The following SPARCL1 variants were observed in gnomAD, a reference collection of about 807,000 sequenced individuals.
SPARCL1 encodes SPARC-like protein 1.
In SPARCL1, 52 loss-of-function variants were observed where a neutral mutation model predicts 67.1. The observed-to-expected ratio is 0.78, with a 90% CI of 0.62 to 0.98. The LOEUF (loss-of-function observed/expected upper bound fraction) is 0.98, where lower values mean the gene tolerates loss of function less well. Ranked by LOEUF, SPARCL1 falls within the 50% of genes least tolerant of loss-of-function variation. The pLI is 0.00. For synonymous variants in SPARCL1, 226 were observed against 267.8 expected, an observed-to-expected ratio of 0.84 and a Z score of 1.52; for missense variants, 717 against 782.4, an observed-to-expected ratio of 0.92 and a Z score of 1.00.
chr4:87,477,645 T>C (rs553947523), intron 10 of SPARCL1, among the ~76,000 whole-genome samples: 2 of 152,324 alleles, frequency 1.3e-5, no homozygotes, highest in Middle Eastern at 6.8e-3. Flanking sequence ...GATGGGATAC[T>C]GAAGGCTCCT....
At chr4:87,482,672 C>T in intron 7 of SPARCL1, 112 bp from the exon 8 acceptor site, 1 of 1,121,002 alleles carries the variant, frequency 8.9e-7, no homozygotes, top group South Asian at 1.5e-5. Context: ...TTTCTCAGGT[C>T]CCCATTATTA....
chr4:87,480,301 C>G, intron 9 of SPARCL1, 71 bp downstream of exon 9: 1 of 1,325,938 alleles, frequency 7.5e-7, no homozygotes, highest in Non-Finnish European at 1.0e-6. Flanking sequence ...TTTAGATTTT[C>G]CTTTTGCATA....
intron 1 of SPARCL1, 43 bp from the exon 2 acceptor site, chr4:87,499,628 C>G (rs1047528025): frequency 1.1e-5 from 16 of 1,458,096 alleles, no homozygotes; most frequent in Non-Finnish European, 1.5e-5. Context: ...GGAAAAGTTT[C>G]CTCATGAAAA....
At chr4:87,482,374 C>T (rs1366614782) in intron 8 of SPARCL1, 50 bp downstream of exon 8, 1 of 1,597,938 alleles carries the variant, frequency 6.3e-7, no homozygotes, top group Non-Finnish European at 8.5e-7. Context: ...GTCTTTCTTC[C>T]TCATGCCCTG....
chr4:87,476,534 G>A (rs1245676806), intron 10 of SPARCL1, among the ~76,000 whole-genome samples: 4 of 152,186 alleles, frequency 2.6e-5, no homozygotes, highest in East Asian at 3.9e-4. Context: ...ACACTTTGGT[G>A]GCCCCCCAGT....
At chr4:87,493,550 T>G in intron 4 of SPARCL1, 32 bp downstream of exon 4, 1 of 1,559,140 alleles carries the variant, frequency 6.4e-7, no homozygotes, top group Non-Finnish European at 8.7e-7. Context: ...ATGCTGGCTT[T>G]ATTGGACAAG....
At chr4:87,511,795 G>A (rs1725368116) in intron 1 of SPARCL1, among the ~76,000 whole-genome samples, 1 of 152,064 alleles carries the variant, frequency 6.6e-6, no homozygotes, top group Non-Finnish European at 1.5e-5. Flanking sequence ...ATTGGAGAAT[G>A]AACAGGCAGT....
intron 7 of SPARCL1, among the ~76,000 whole-genome samples, chr4:87,489,623 C>T (rs530203902): frequency 3.5e-4 from 53 of 152,324 alleles, no homozygotes; most frequent in Non-Finnish European, 2.6e-4. Flanking sequence ...GATGGAGAAC[C>T]ATACCCCAGC....
At chr4:87,515,182 A>G (rs1356041307) in intron 1 of SPARCL1, among the ~76,000 whole-genome samples, 1 of 152,240 alleles carries the variant, frequency 6.6e-6, no homozygotes, top group African/African-American at 2.4e-5. Context: ...TGCATAGTTT[A>G]AAGGACAGTT....
chr4:87,488,330 GT>G (rs1724159961), intron 7 of SPARCL1, among the ~76,000 whole-genome samples: 1 of 152,122 alleles, frequency 6.6e-6, no homozygotes, highest in East Asian at 1.9e-4. Flanking sequence ...CTGTTCATTA[GT>G]TTTCCTTCTA....
At chr4:87,492,364 G>C (rs1724382693) in intron 4 of SPARCL1, among the ~76,000 whole-genome samples, 1 of 150,982 alleles carries the variant, frequency 6.6e-6, no homozygotes, top group Non-Finnish European at 1.5e-5. Flanking sequence ...GTTGCAGTGA[G>C]CCGAGATTGC....
rs989611807 is a variant in SPARCL1 at position 87,494,184 on chromosome 4, T to C, written c.616A>G (p.Lys206Glu). 4 of 1,614,044 alleles carry C rather than the reference T, an allele frequency of 2.5e-6. No homozygotes were observed. The highest frequency in any genetic ancestry group is 2.5e-6 in the Non-Finnish European group (3 of 1,180,018). ...TGGGTACCAACTTCACCTGGCTCTT[T>C]TTCTTCTTCCTCTTCTCCATTGGAA... ...NISNGEEEEE[K>E]EPGEVGTHND... The change falls in exon 4 of 11, where the codon AAA becomes GAA. Residue 206 changes from lysine to glutamate, a missense_variant. Lys to Glu is a moderately conservative substitution (Grantham distance 56, BLOSUM62 1). Coordinates refer to ENST00000282470, the MANE Select transcript of SPARCL1 (RefSeq NM_004684.6).
intron 1 of SPARCL1, among the ~76,000 whole-genome samples, chr4:87,515,430 G>C (rs1221089338): frequency 1.3e-5 from 2 of 152,190 alleles, no homozygotes; most frequent in African/African-American, 4.8e-5. Context: ...GCATAAGGCA[G>C]AAAATGGCTT....
At chr4:87,515,157 T>A (rs778320028) in intron 1 of SPARCL1, among the ~76,000 whole-genome samples, 33 of 152,344 alleles carry the variant, frequency 2.2e-4, no homozygotes, top group Non-Finnish European at 4.3e-4. Context: ...ATGCGTGAGC[T>A]TATTCAAAGG....
chr4:87,474,978 G>A (rs1252430945), intron 10 of SPARCL1, among the ~76,000 whole-genome samples: 5 of 152,086 alleles, frequency 3.3e-5, no homozygotes, highest in Non-Finnish European at 5.9e-5. Flanking sequence ...TCTTGAACTC[G>A]TGATCCGCCT....
intron 1 of SPARCL1, among the ~76,000 whole-genome samples, chr4:87,509,773 GTGTC>G (rs557377596): frequency 1.3e-5 from 2 of 151,494 alleles, no homozygotes; most frequent in Non-Finnish European, 2.9e-5. Flanking sequence ...ATTATTGTAA[GTGTC>G]TGTGTGTGCA....
rs773358673 is a variant in SPARCL1, at chr4:87,494,009, C to T, written c.791G>A (p.Gly264Asp). The T allele has an allele frequency of 1.2e-6, 2 of 1,614,084 alleles. No individual in the cohort carries two copies. Among genetic ancestry groups the T allele is most frequent in the African/African-American group, 1.3e-5 (1 of 75,016 alleles). Reference protein sequence around the residue: ...SKMQEDEFDQGNQEQEDNSNA... With the variant: ...SKMQEDEFDQDNQEQEDNSNA... ...GGAGTTATCTTCTTGTTCTTGGTTA[C>T]CCTGATCAAATTCATCCTCCTGCAT... Residue 264 changes from glycine (G) to aspartate (D), a missense_variant, in exon 4 of 11, where the codon GGT (glycine) becomes GAT (aspartate). By Grantham distance (94) the Gly-to-Asp change is moderately conservative. Coordinates refer to ENST00000282470, the MANE Select transcript of SPARCL1 (RefSeq NM_004684.6).
At chr4:87,490,968 G>T in intron 5 of SPARCL1, 90 bp from the exon 6 acceptor site, 2 of 809,388 alleles carry the variant, frequency 2.5e-6, no homozygotes, top group Non-Finnish European at 1.9e-6. Flanking sequence ...TTTCACTAAT[G>T]AAGGGGAAAT....
At chr4:87,522,216 A>C (rs1349631747) in intron 1 of SPARCL1, among the ~76,000 whole-genome samples, 1 of 152,106 alleles carries the variant, frequency 6.6e-6, no homozygotes, top group East Asian at 1.9e-4. Context: ...ACCATCTGAC[A>C]TCAAGGTGTC....
Sources: allele counts gnomAD v4.1 joint callset (sites outside exome capture counted in the v4.1 genomes callset), GRCh38; gene constraint gnomAD v4.1.1; transcripts MANE v1.5; gene names NCBI Gene and HGNC (gene_info 2026-07-23, HGNC 2026-07-21).